Variants in PTPDC1 observed in about 807,000 individuals in gnomAD.
PTPDC1 encodes protein tyrosine phosphatase domain containing 1.
In PTPDC1, 53 loss-of-function variants were observed where a neutral mutation model predicts 75.3. That is an observed-to-expected ratio of 0.70 (90% CI 0.56 to 0.88). PTPDC1 has a LOEUF of 0.88. Ranked by LOEUF, PTPDC1 falls within the 40% of genes least tolerant of loss-of-function variation. PTPDC1 has a pLI of 0.00. For missense variants in PTPDC1, 925 were observed against 998.6 expected, an observed-to-expected ratio of 0.93 and a Z score of 0.99; for synonymous variants, 349 against 366.2, an observed-to-expected ratio of 0.95 and a Z score of 0.54.
chr9:94,102,453 A>G (rs1827876657), intron 7 of PTPDC1, among the ~76,000 whole-genome samples: 1 of 152,122 alleles, frequency 6.6e-6, no homozygotes, highest in Non-Finnish European at 1.5e-5. Context: ...AGGAAAAGAT[A>G]TTAGAAGACA....
In PTPDC1 at chr9:94,097,725, G is replaced by T; in HGVS notation, c.1159G>T (p.Asp387Tyr). Reference sequence around the variant, plus strand: ...GTCTGAGATGGTCACCATGCAGCTGGATAAAGAGTTACTGAGGCATGACAG... The same window carrying T: ...GTCTGAGATGGTCACCATGCAGCTGTATAAAGAGTTACTGAGGCATGACAG... ...TMSEMVTMQL[D>Y]KELLRHDSDV... Residue 387 changes from aspartate (D) to tyrosine (Y), a missense_variant, in exon 6 of 9, where the codon GAT (aspartate) becomes TAT (tyrosine). Transcript: ENST00000620992. 6.2e-7 allele frequency: 1 copy of T among 1,614,178 alleles called. No individual in the cohort carries two copies. Among genetic ancestry groups the T allele is most frequent in the African/African-American group, 1.3e-5 (1 of 75,054 alleles).
intron 1 of PTPDC1, among the ~76,000 whole-genome samples, chr9:94,033,504 A>G (rs1357103352): frequency 6.6e-6 from 1 of 152,116 alleles, no homozygotes; most frequent in African/African-American, 2.4e-5. Flanking sequence ...AGTACTTTCT[A>G]GTTATGTGAC....
At chr9:94,052,804 GA>G (rs1481455763) in intron 1 of PTPDC1, among the ~76,000 whole-genome samples, 1 of 152,138 alleles carries the variant, frequency 6.6e-6, no homozygotes, top group Admixed American at 6.5e-5. Context: ...GGGATTTTAA[GA>G]AAGCCATCCA....
chr9:94,038,418 A>C, intron 1 of PTPDC1: 18 of 347,354 alleles, frequency 5.2e-5, no homozygotes, highest in East Asian at 1.2e-4. Context: ...AATAGATCTC[A>C]TACACCAGAA....
chr9:94,037,093 A>T (rs1825295224), intron 1 of PTPDC1, among the ~76,000 whole-genome samples: 1 of 152,254 alleles, frequency 6.6e-6, no homozygotes, highest in East Asian at 1.9e-4. Context: ...TCATGGAAAT[A>T]TTTTCTCATT....
Position 94,097,467 on chromosome 9 carries a change from C to G in PTPDC1, c.901C>G (p.Leu301Val), listed in dbSNP as rs1564033148. The G allele has an allele frequency of 1.9e-6, 3 of 1,614,096 alleles. No homozygotes were observed. The highest frequency in any genetic ancestry group is 1.3e-5 in the African/African-American group (1 of 74,948). ...VREFTQFLTP[L>V]RNIFSCCDPK... ...GGAATTTACTCAGTTTCTAACTCCT[C>G]TCCGCAATATATTCTCTTGCTGTGA... Residue 301 changes from leucine to valine, a missense_variant, in exon 6 of 9, where the codon CTC becomes GTC. Coordinates refer to ENST00000620992, the MANE Select transcript of PTPDC1 (RefSeq NM_001253829.2).
chr9:94,082,355 C>T (rs981392728), upstream of PTPDC1, among the ~76,000 whole-genome samples: 1 of 152,226 alleles, frequency 6.6e-6, no homozygotes, highest in Non-Finnish European at 1.5e-5. Flanking sequence ...GCAATGATCC[C>T]TTTCTGAAAT....
In PTPDC1 at chr9:94,097,405, AT is replaced by A. The variant is rs758500637; in HGVS notation, c.841del (p.Ser281ProfsTer11). 2.5e-6 allele frequency: 4 copies of A among 1,614,192 alleles called. No individual in the cohort carries two copies. The East Asian group carries it at 8.9e-5, about 36-fold the overall frequency. On this transcript the variant is annotated frameshift_variant, in exon 6 of 9. Transcript: ENST00000620992. LOFTEE classifies it high-confidence loss of function. ...AIIFVRAKRP[N>X]SIQTRGQLLC... Reference sequence around the variant, plus strand: ...ATATTTGTGCGGGCAAAGCGACCCAATTCCATACAAACCAGAGGACAGCTCC... The same window carrying A: ...ATATTTGTGCGGGCAAAGCGACCCAATCCATACAAACCAGAGGACAGCTCC...
At chr9:94,088,068 G>T (rs1304382444) in intron 3 of PTPDC1, 77 bp from the exon 4 acceptor site, 33 of 1,539,686 alleles carry the variant, frequency 2.1e-5, no homozygotes, top group African/African-American at 1.7e-4. Flanking sequence ...AATTAATAAT[G>T]TTGATTAATA....
intron 1 of PTPDC1, among the ~76,000 whole-genome samples, chr9:94,036,659 A>C (rs1825279090): frequency 6.6e-6 from 1 of 152,202 alleles, no homozygotes; most frequent in Non-Finnish European, 1.5e-5. Context: ...CTACAAAAGA[A>C]TACTTCCTCT....
upstream of PTPDC1, among the ~76,000 whole-genome samples, chr9:94,079,909 C>G (rs1012884565): frequency 6.6e-6 from 1 of 152,170 alleles, no homozygotes; most frequent in Admixed American, 6.5e-5. Context: ...AGCAGGGGCA[C>G]TTGGGAGAAG....
intron 2 of PTPDC1, among the ~76,000 whole-genome samples, chr9:94,067,555 G>A (rs1826353965): frequency 6.6e-6 from 1 of 152,092 alleles, no homozygotes; most frequent in Non-Finnish European, 1.5e-5. Context: ...TATTGTGTGT[G>A]TATAATTTGT....
intron 1 of PTPDC1, among the ~76,000 whole-genome samples, chr9:94,044,917 T>C (rs1044310051): frequency 6.6e-6 from 1 of 151,690 alleles, no homozygotes; most frequent in Non-Finnish European, 1.5e-5. Flanking sequence ...TATGTATACA[T>C]GTGCCATGTT....
chr9:94,036,197 A>G (rs1449607082), intron 1 of PTPDC1, among the ~76,000 whole-genome samples: 1 of 151,252 alleles, frequency 6.6e-6, no homozygotes, highest in Non-Finnish European at 1.5e-5. Flanking sequence ...TTTGTTGTAG[A>G]CCTTTTTTAT....
chr9:94,104,395 A>G lies in PTPDC1; in HGVS notation c.2310+10A>G. 6.4e-7 allele frequency: 1 copy of G among 1,563,958 alleles called. No homozygotes were observed. Among genetic ancestry groups the G allele is most frequent in the Non-Finnish European group, 8.8e-7 (1 of 1,135,356 alleles). On this transcript the variant is annotated intron_variant, in intron 8 of 8. Coordinates refer to ENST00000620992, the MANE Select transcript of PTPDC1 (RefSeq NM_001253829.2). ...TAAGGCATTCACTAAGGTGGGTCAT[A>G]CTCTTCCTTTCCCCTCTCTGAACCA...
At chr9:94,031,194 G>C (rs1417189303) in intron 1 of PTPDC1, 1 of 152,140 alleles carries the variant, frequency 6.6e-6, no homozygotes. Context: ...TTTTTTAAAC[G>C]TCTAGATATT....
At chr9:94,093,232 C>CT (rs1414936950) in intron 4 of PTPDC1, among the ~76,000 whole-genome samples, 6 of 151,136 alleles carry the variant, frequency 4.0e-5, no homozygotes, top group Admixed American at 6.6e-5. Flanking sequence ...CCGGTTGTTC[C>CT]TTTCCATGTT....
At chr9:94,059,710 A>T (rs1051179340) in intron 1 of PTPDC1, among the ~76,000 whole-genome samples, 4 of 152,204 alleles carry the variant, frequency 2.6e-5, no homozygotes, top group African/African-American at 7.2e-5. Context: ...TAAATGGTCT[A>T]CTTCTGTGGG....
chr9:94,072,607 C>T (rs1409423351), intron 2 of PTPDC1, among the ~76,000 whole-genome samples: 2 of 151,936 alleles, frequency 1.3e-5, no homozygotes, highest in African/African-American at 4.8e-5. Context: ...TTGCCTTCTT[C>T]CTGACCATAG....
Sources: allele counts gnomAD v4.1 joint callset (sites outside exome capture counted in the v4.1 genomes callset), GRCh38; gene constraint gnomAD v4.1.1; transcripts MANE v1.5; gene names NCBI Gene and HGNC (gene_info 2026-07-23, HGNC 2026-07-21).